The following CNOT9 variants were observed in gnomAD, a reference collection of about 807,000 sequenced individuals.
CNOT9 encodes the protein CCR4-NOT transcription complex subunit 9.
A neutral mutation model predicts 37.4 loss-of-function variants in CNOT9; 8 were observed. The ratio of observed to expected loss-of-function variants is 0.21; its 90% confidence interval spans 0.13 to 0.39. CNOT9 has a LOEUF of 0.39. Among genes scored for constraint, CNOT9 ranks in the 10% least tolerant of loss-of-function variants. CNOT9 has a pLI of 1.00. For synonymous variants in CNOT9, 120 were observed against 137.6 expected, an observed-to-expected ratio of 0.87 and a Z score of 0.90; for missense variants, 154 against 365.3, an observed-to-expected ratio of 0.42 and a Z score of 4.71.
At chr2:218,590,592 C>A (rs1297200183) in intron 5 of CNOT9, among the ~76,000 whole-genome samples, 3 of 152,140 alleles carry the variant, frequency 2.0e-5, no homozygotes, top group Non-Finnish European at 4.4e-5. Flanking sequence ...AATCTAAAGT[C>A]AATGTATCAG....
intron 1 of CNOT9, among the ~76,000 whole-genome samples, chr2:218,569,565 C>G (rs1267166031): frequency 2.0e-5 from 3 of 152,200 alleles, no homozygotes; most frequent in Non-Finnish European, 2.9e-5. Context: ...AGTAATCCTA[C>G]TTCTCTTGGC....
At chr2:218,572,012 A>G (rs903838635) in intron 1 of CNOT9, among the ~76,000 whole-genome samples, 1 of 152,058 alleles carries the variant, frequency 6.6e-6, no homozygotes, top group Non-Finnish European at 1.5e-5. Flanking sequence ...GGATTATTCT[A>G]AAGATTAAGT....
chr2:218,582,534 C>A (rs1694426442), intron 2 of CNOT9, among the ~76,000 whole-genome samples: 2 of 152,024 alleles, frequency 1.3e-5, no homozygotes, highest in Non-Finnish European at 2.9e-5. Flanking sequence ...ACTAAAAATA[C>A]AAAAAATTAG....
Position 218,592,437 on chromosome 2 carries a change from T to A in CNOT9, c.639+35T>A. On this transcript the variant is annotated intron_variant, in intron 6 of 7. Transcript: ENST00000273064. This position sits in a 1 kb window ranked among gnomAD's most constrained non-coding sequence, Gnocchi z 4.1. ...TTCATCTATCCCCTTTACAACTACT[T>A]CTCATCACAAAGCTTAATCTCTTTA... The A allele has an allele frequency of 1.9e-6, 3 of 1,555,184 alleles. No homozygotes were observed. The highest frequency in any genetic ancestry group is 1.4e-5 in the African/African-American group (1 of 73,818).
intron 1 of CNOT9, chr2:218,574,074 A>AT (rs1372469960): frequency 1.6e-5 from 7 of 426,034 alleles, no homozygotes; most frequent in Non-Finnish European, 3.3e-5. Context: ...GGTTCAGTCG[A>AT]TTCTCCCACC....
chr2:218,587,110 A>G (rs1449634211), intron 4 of CNOT9, among the ~76,000 whole-genome samples: 10 of 152,182 alleles, frequency 6.6e-5, no homozygotes, highest in Admixed American at 1.3e-4. Context: ...TTGATTTTTG[A>G]CAAAGGTACA....
intron 1 of CNOT9, 83 bp from the exon 2 acceptor site, chr2:218,580,478 T>A: frequency 8.5e-7 from 1 of 1,175,352 alleles, no homozygotes; most frequent in Non-Finnish European, 1.2e-6. Context: ...ATGAAAAATA[T>A]ATTTCCTCTA....
chr2:218,592,401 T>C lies in CNOT9; in HGVS notation c.638T>C (p.Leu213Ser), dbSNP rs751598557. The change falls in exon 6 of 8, where the codon TTG becomes TCG. Residue 213 changes from leucine (L) to serine (S), a missense_variant and splice_region_variant. By Grantham distance (145) the Leu-to-Ser change is moderately radical. Transcript: ENST00000273064. This position sits in a 1 kb window ranked among gnomAD's most constrained non-coding sequence, Gnocchi z 4.1. ...CGTTTCTCCCATGTTGCCATGATCT[T>C]GGTGAGTTCTTTCATCTATCCCCTT... is the stretch of plus-strand genomic sequence containing the variant. ...YERFSHVAMI[L>S]GKMVLQLSKE... The C allele has an allele frequency of 6.2e-7, 1 of 1,611,410 alleles. No individual in the cohort carries two copies. The highest frequency in any genetic ancestry group is 1.1e-5 in the South Asian group (1 of 91,038).
chr2:218,573,517 A>G (rs1303586780), intron 1 of CNOT9, among the ~76,000 whole-genome samples: 1 of 152,204 alleles, frequency 6.6e-6, no homozygotes, highest in African/African-American at 2.4e-5. Context: ...TGGCAGGAAA[A>G]TAAACAGCTA....
At chr2:218,572,222 G>A (rs1694022628) in intron 1 of CNOT9, among the ~76,000 whole-genome samples, 1 of 152,114 alleles carries the variant, frequency 6.6e-6, no homozygotes, top group African/African-American at 2.4e-5. Context: ...TCAGGAGGCT[G>A]AGGCGGGAGA....
chr2:218,571,679 C>T (rs1693997532), intron 1 of CNOT9, among the ~76,000 whole-genome samples: 2 of 150,442 alleles, frequency 1.3e-5, no homozygotes, highest in South Asian at 4.2e-4. Flanking sequence ...TCAAGCAATT[C>T]TCCTGCCTCA....
intron 1 of CNOT9, among the ~76,000 whole-genome samples, chr2:218,569,547 C>T (rs1039690874): frequency 6.6e-6 from 1 of 152,212 alleles, no homozygotes; most frequent in African/African-American, 2.4e-5. Flanking sequence ...TGTAATTCAG[C>T]TATCCGAAGT....
At chr2:218,579,011 T>C (rs953275707) in intron 1 of CNOT9, among the ~76,000 whole-genome samples, 9 of 152,124 alleles carry the variant, frequency 5.9e-5, no homozygotes, top group Non-Finnish European at 1.0e-4. Flanking sequence ...GAAGAATCAT[T>C]AAGAGGGAGA....
At chr2:218,580,038 G>A (rs138588504) in intron 1 of CNOT9, among the ~76,000 whole-genome samples, 2,168 of 146,194 alleles carry the variant, frequency 0.015, 35 homozygotes, top group South Asian at 0.046. Flanking sequence ...GCGCTATCTC[G>A]GGTCACTGCA....
chr2:218,580,435 A>T, intron 1 of CNOT9, 126 bp from the exon 2 acceptor site: 1 of 694,276 alleles, frequency 1.4e-6, no homozygotes, highest in Non-Finnish European at 2.3e-6. Context: ...TTGACATCAA[A>T]TGTATGTATT....
chr2:218,580,838 T>G (rs997908258), intron 2 of CNOT9, 98 bp downstream of exon 2: 56 of 1,172,060 alleles, frequency 4.8e-5, no homozygotes, highest in East Asian at 4.7e-5. Context: ...AGGAGGATGA[T>G]TCTTTAAAAA....
At chr2:218,578,967 T>A (rs960631575) in intron 1 of CNOT9, among the ~76,000 whole-genome samples, 1 of 152,188 alleles carries the variant, frequency 6.6e-6, no homozygotes, top group Non-Finnish European at 1.5e-5. Flanking sequence ...AAGTAATGAA[T>A]GGTTCTCAAA....
At chr2:218,576,800 T>C (rs965338989) in intron 1 of CNOT9, among the ~76,000 whole-genome samples, 5 of 152,238 alleles carry the variant, frequency 3.3e-5, no homozygotes, top group African/African-American at 9.6e-5. Context: ...AGGTCCCATC[T>C]CTGCTAAAAA....
chr2:218,581,076 G>T, intron 2 of CNOT9: 2 of 478,616 alleles, frequency 4.2e-6, no homozygotes, highest in South Asian at 1.6e-5. Flanking sequence ...CTACATGACA[G>T]GGGGAGGAAG....
Sources: gnomAD v4.1 joint callset for allele counts (sites outside exome capture counted in the v4.1 genomes callset) on GRCh38, gnomAD v4.1.1 for gene constraint, Gnocchi (gnomAD v3.1) non-coding constraint, MANE v1.5 for transcripts, NCBI Gene and HGNC (gene_info 2026-07-23, HGNC 2026-07-21) for gene names.